MACROD2: variants seen among roughly 807,000 people sequenced by gnomAD.
MACROD2 encodes ADP-ribose glycohydrolase MACROD2.
In MACROD2, 36 loss-of-function variants were observed where a neutral mutation model predicts 70.4. The ratio of observed to expected loss-of-function variants is 0.51; its 90% CI spans 0.39 to 0.68. The LOEUF (loss-of-function observed/expected upper bound fraction) is 0.68. Among genes scored for constraint, MACROD2 ranks in the 30% least tolerant of loss-of-function variants. The pLI, the probability that MACROD2 is intolerant of heterozygous loss-of-function variation, is 0.00. For missense variants in MACROD2, 496 were observed against 538.4 expected (o/e 0.92, Z 0.78); for synonymous variants, 172 against 178.8 (o/e 0.96, Z 0.30).
chr20:15,736,124 A>G (rs2146957792), intron 8 of MACROD2, among the ~76,000 whole-genome samples: 1 of 152,342 alleles, frequency 6.6e-6, no homozygotes, highest in East Asian at 1.9e-4. Flanking sequence ...CTACATGTAC[A>G]GCTATTGTGG....
chr20:15,333,220 C>G (rs1158646235), intron 6 of MACROD2, among the ~76,000 whole-genome samples: 3 of 151,572 alleles, frequency 2.0e-5, no homozygotes, highest in Non-Finnish European at 4.4e-5. Flanking sequence ...GCATGAGAAA[C>G]TCCAGGTATG....
intron 3 of MACROD2, among the ~76,000 whole-genome samples, chr20:14,487,938 A>G (rs1435280669): frequency 2.0e-5 from 3 of 152,230 alleles, no homozygotes; most frequent in African/African-American, 7.2e-5. Context: ...AATTGAGGAT[A>G]CTATAATATT....
intron 15 of MACROD2, among the ~76,000 whole-genome samples, chr20:16,016,583 T>G (rs763096882): frequency 2.0e-4 from 30 of 152,318 alleles, no homozygotes; most frequent in Non-Finnish European, 4.0e-4. Flanking sequence ...TTGCCCAGGC[T>G]GGAGCACAGT....
chr20:14,960,734 A>G (rs2074575777), intron 5 of MACROD2, among the ~76,000 whole-genome samples: 1 of 152,164 alleles, frequency 6.6e-6, no homozygotes, highest in African/African-American at 2.4e-5. Flanking sequence ...TTCCACATCA[A>G]ATATAGAAAA....
At chr20:15,143,435 G>A (rs2076207214) in intron 5 of MACROD2, among the ~76,000 whole-genome samples, 1 of 152,130 alleles carries the variant, frequency 6.6e-6, no homozygotes, top group African/African-American at 2.4e-5. Flanking sequence ...TGAGTAGATT[G>A]TAAAAATTTG....
Position 15,995,645 on chromosome 20 carries a change from C to T in MACROD2, c.1153+8487C>T, listed in dbSNP as rs1255726232. ...GATTACAGGCATGAGCCACTATGCCCGGCCTTTTTTTTTTTTTTTTTTTTA... is the reference window on the plus strand; with the variant it reads ...GATTACAGGCATGAGCCACTATGCCTGGCCTTTTTTTTTTTTTTTTTTTTA... On this transcript the variant is annotated intron_variant, in intron 15 of 17. Coordinates refer to ENST00000684519, the MANE Select transcript of MACROD2 (RefSeq NM_001351661.2). Among the ~76,000 whole-genome samples the T allele has an allele frequency of 3.1e-4, 15 of 48,372 alleles. 1 individual carries two copies. Among genetic ancestry groups the T allele is most frequent in the African/African-American group, 7.4e-4 (10 of 13,530 alleles). The allele number at this position is 48,372 out of a possible 152,430, so 31.7% of individuals were successfully genotyped here. A position where few individuals can be genotyped will look rare whatever the true frequency, so the allele number is the denominator to read the frequency against.
At chr20:15,855,679 C>T (rs1368253282) in intron 8 of MACROD2, among the ~76,000 whole-genome samples, 1 of 152,302 alleles carries the variant, frequency 6.6e-6, no homozygotes, top group East Asian at 1.9e-4. Flanking sequence ...TTTGCACCAA[C>T]CCTCCACCCC....
chr20:14,400,393 C>T (rs1193036431), intron 3 of MACROD2, among the ~76,000 whole-genome samples: 1 of 152,132 alleles, frequency 6.6e-6, no homozygotes, highest in African/African-American at 2.4e-5. Flanking sequence ...AAACTTTCCC[C>T]AGTCATGTTT....
chr20:15,618,717 A>G (rs1257210051), intron 8 of MACROD2, among the ~76,000 whole-genome samples: 1 of 152,134 alleles, frequency 6.6e-6, no homozygotes, highest in African/African-American at 2.4e-5. Flanking sequence ...GCTGCAAAAG[A>G]TGGGAGGGGC....
intron 6 of MACROD2, among the ~76,000 whole-genome samples, chr20:15,396,913 A>G (rs886136968): frequency 2.6e-5 from 4 of 152,188 alleles, no homozygotes; most frequent in African/African-American, 9.6e-5. Context: ...GAGTTGTTCT[A>G]TGGAAGGGGA....
chr20:14,594,018 G>C (rs1981955131), intron 4 of MACROD2, among the ~76,000 whole-genome samples: 2 of 152,134 alleles, frequency 1.3e-5, no homozygotes. Context: ...GGCTTTCAGA[G>C]ACTAAGACTC....
chr20:14,967,386 A>G (rs1227665109), intron 5 of MACROD2, among the ~76,000 whole-genome samples: 1 of 151,830 alleles, frequency 6.6e-6, no homozygotes, highest in Non-Finnish European at 1.5e-5. Flanking sequence ...CTGGTCTCGA[A>G]TTCCTGAACT....
intron 8 of MACROD2, among the ~76,000 whole-genome samples, chr20:15,834,353 C>CAAAAT (rs905802607): frequency 6.6e-6 from 1 of 152,096 alleles, no homozygotes; most frequent in Non-Finnish European, 1.5e-5. Context: ...TAAAACAAAA[C>CAAAAT]AAAATAAAAT....
intron 5 of MACROD2, among the ~76,000 whole-genome samples, chr20:15,209,865 T>C (rs1173382688): frequency 3.9e-5 from 6 of 152,212 alleles, no homozygotes; most frequent in African/African-American, 1.4e-4. Flanking sequence ...CCTAAGAGGA[T>C]GGTAACTTTT....
chr20:15,588,165 G>A (rs185535931), intron 8 of MACROD2, among the ~76,000 whole-genome samples: 1 of 152,336 alleles, frequency 6.6e-6, no homozygotes, highest in Non-Finnish European at 1.5e-5. Flanking sequence ...TTAATACCAT[G>A]TGGAAGCTGC....
intron 8 of MACROD2, among the ~76,000 whole-genome samples, chr20:15,732,338 G>T (rs2050956571): frequency 6.6e-6 from 1 of 152,122 alleles, no homozygotes; most frequent in Non-Finnish European, 1.5e-5. Flanking sequence ...AGTACCTGCA[G>T]GTCACAGAGC....
intron 9 of MACROD2, among the ~76,000 whole-genome samples, chr20:15,864,965 A>AT (rs1317564522): frequency 1.3e-5 from 2 of 152,156 alleles, no homozygotes; most frequent in African/African-American, 4.8e-5. Context: ...AATATACATA[A>AT]TATACCTTAC....
At chr20:15,145,800 T>G (rs532988907) in intron 5 of MACROD2, among the ~76,000 whole-genome samples, 13 of 152,214 alleles carry the variant, frequency 8.5e-5, no homozygotes, top group Admixed American at 5.9e-4. Context: ...AAATTTTACC[T>G]AAAAGATGAT....
intron 3 of MACROD2, among the ~76,000 whole-genome samples, chr20:14,358,429 T>G (rs6042690): frequency 0.012 from 1,777 of 152,204 alleles, 30 homozygotes; most frequent in African/African-American, 0.04. Context: ...CCCTAGGAGG[T>G]AGTTAGTACC....
Sources: gnomAD v4.1 joint callset for allele counts (sites outside exome capture counted in the v4.1 genomes callset) on GRCh38, gnomAD v4.1.1 for gene constraint, MANE v1.5 for transcripts, NCBI Gene and HGNC (gene_info 2026-07-23, HGNC 2026-07-21) for gene names.